TECR: variants seen among roughly 807,000 people sequenced by gnomAD.
TECR encodes the protein trans-2,3-enoyl-CoA reductase.
In TECR, 19 loss-of-function variants were observed where a neutral mutation model predicts 50.6. The ratio of observed to expected loss-of-function variants is 0.38; its 90% confidence interval spans 0.26 to 0.55. The LOEUF is 0.55. Among genes scored for constraint, TECR ranks in the 20% least tolerant of loss-of-function variants. The probability of loss-of-function intolerance (pLI) is 0.79; values close to 1 mark genes in which losing one functional copy is unlikely to be tolerated. For synonymous variants in TECR, 168 were observed against 163.5 expected (o/e 1.03, Z -0.21); for missense variants, 313 against 408.3 (o/e 0.77, Z 2.01).
At chr19:14,564,385 A>G (rs2073999235) in intron 7 of TECR, 98 bp downstream of exon 7, 1 of 927,282 alleles carries the variant, frequency 1.1e-6, no homozygotes, top group Admixed American at 2.5e-5. Context: ...CCTGTCTGCC[A>G]CTACGCCCCA....
At chr19:14,554,298 C>T (rs528267966) in intron 1 of TECR, among the ~76,000 whole-genome samples, 1 of 152,166 alleles carries the variant, frequency 6.6e-6, no homozygotes, top group South Asian at 2.1e-4. Context: ...TCTCACTCAT[C>T]ACCATTAGGC....
chr19:14,529,709 G>C lies in TECR; in HGVS notation c.13G>C (p.Glu5Gln), dbSNP rs761583185. Reference sequence around the variant, plus strand: ...GTGGGAGGGAGCCATGAAGCATTACGAGGTAAGAAGCGAGAAACAGGGGCC... The same window carrying C: ...GTGGGAGGGAGCCATGAAGCATTACCAGGTAAGAAGCGAGAAACAGGGGCC... The part of the protein sequence containing the change: MKHY[E>Q]VEILDAKTRE... Residue 5 changes from glutamate (E) to glutamine (Q), a missense_variant and splice_region_variant, in exon 1 of 13, where the codon GAG becomes CAG. Coordinates refer to ENST00000215567, the MANE Select transcript of TECR (RefSeq NM_138501.6). 3 of 1,614,136 alleles carry C rather than the reference G, an allele frequency of 1.9e-6. No homozygotes were observed.
intron 1 of TECR, among the ~76,000 whole-genome samples, chr19:14,534,657 G>A (rs988063625): frequency 1.2e-4 from 18 of 151,922 alleles, no homozygotes; most frequent in African/African-American, 7.3e-5. Context: ...GGCTGGTCTC[G>A]AACTCCTGGG....
At chr19:14,530,242 T>C (rs35070159) in intron 1 of TECR, 27,948 of 169,276 alleles carry the variant, frequency 0.17, 2,677 homozygotes, top group African/African-American at 0.26. Context: ...CTGATCTTGC[T>C]TTCTGGTTAT....
At chr19:14,546,026 G>C (rs1031093931) in intron 1 of TECR, 27 of 152,296 alleles carry the variant, frequency 1.8e-4, no homozygotes, top group African/African-American at 5.3e-4. Flanking sequence ...CTTCCTGGCT[G>C]GGTCACGCCC....
At chr19:14,551,649 C>T (rs2073510032) in intron 1 of TECR, among the ~76,000 whole-genome samples, 1 of 152,000 alleles carries the variant, frequency 6.6e-6, no homozygotes, top group Admixed American at 6.6e-5. Context: ...GTAAACCCTG[C>T]CTGGGCCCCG....
intron 7 of TECR, 74 bp downstream of exon 7, chr19:14,564,361 A>AC (rs1219984711): frequency 1.3e-5 from 11 of 871,568 alleles, no homozygotes; most frequent in Non-Finnish European, 1.6e-5. Context: ...ACCGAGCCCC[A>AC]CCCCAAGGCC....
At chr19:14,529,584 G>T, upstream of TECR, 3 of 1,535,716 alleles carry the variant, frequency 2.0e-6, no homozygotes, top group Non-Finnish European at 2.7e-6. Context: ...CGGGGCGGAC[G>T]CAGAGCCGCG....
Position 14,563,638 on chromosome 19 carries a change from C to A in TECR, c.119-20C>A, listed in dbSNP as rs1193344498. 1 of 1,610,842 alleles carries A rather than the reference C, an allele frequency of 6.2e-7. No homozygotes were observed. Among genetic ancestry groups the A allele is most frequent in the African/African-American group, 1.3e-5 (1 of 74,832 alleles). Reference sequence around the variant, plus strand: ...AGCCCTGCCAGGCTGTGGGCTGTAACTGCCCTGTTCTCCCCGCAGATCCGC... The same window carrying A: ...AGCCCTGCCAGGCTGTGGGCTGTAAATGCCCTGTTCTCCCCGCAGATCCGC... On this transcript the variant is annotated intron_variant, in intron 3 of 12. Transcript: ENST00000215567. This position sits in a 1 kb window ranked among gnomAD's most constrained non-coding sequence, Gnocchi z 5.3.
chr19:14,544,201 CT>C (rs1439583498), intron 1 of TECR, among the ~76,000 whole-genome samples: 1 of 151,946 alleles, frequency 6.6e-6, no homozygotes, highest in East Asian at 1.9e-4. Flanking sequence ...GCCTCTGCCC[CT>C]GACTCACCCA....
At chr19:14,555,772 G>T (rs962345123) in intron 1 of TECR, among the ~76,000 whole-genome samples, 9 of 152,118 alleles carry the variant, frequency 5.9e-5, no homozygotes, top group African/African-American at 2.2e-4. Flanking sequence ...TTTTTGTGGA[G>T]GCAGAGCCTT....
chr19:14,539,712 C>T (rs1356645113), intron 1 of TECR, among the ~76,000 whole-genome samples: 1 of 152,108 alleles, frequency 6.6e-6, no homozygotes, highest in Non-Finnish European at 1.5e-5. Flanking sequence ...ATGCCCTTCC[C>T]TCTGCTTTCC....
In TECR at chr19:14,564,247, G is replaced by A; in HGVS notation, c.449G>A (p.Arg150His). Residue 150 changes from arginine (R) to histidine (H), a missense_variant, in exon 7 of 13, where the codon CGC becomes CAC. Physicochemically the swap from Arg to His is conservative, Grantham distance 29. Transcript: ENST00000215567. ...KRLLETLFVH[R>H]FSHGTMPLRN... ...CTGCTGGAGACGCTCTTCGTGCACCGCTTCTCCCATGGCACTATGCCTTTG... is the reference window on the plus strand; with the variant it reads ...CTGCTGGAGACGCTCTTCGTGCACCACTTCTCCCATGGCACTATGCCTTTG... 1.2e-6 allele frequency: 2 copies of A among 1,607,390 alleles called. No homozygotes were observed. The highest frequency in any genetic ancestry group is 2.2e-5 in the South Asian group (2 of 91,070).
chr19:14,531,438 T>A (rs1568391282), intron 1 of TECR: 2 of 152,168 alleles, frequency 1.3e-5, no homozygotes, highest in Non-Finnish European at 2.9e-5. Context: ...AAGCCTTTTT[T>A]TGAGACGGAG....
upstream of TECR, chr19:14,529,257 G>C: frequency 3.2e-6 from 1 of 314,152 alleles, no homozygotes; most frequent in South Asian, 2.9e-5. Flanking sequence ...ATGCTGCCTT[G>C]CCTGTCACTC....
chr19:14,565,453 G>A (rs914970063), intron 11 of TECR, among the ~76,000 whole-genome samples, 163 bp downstream of exon 11: 2 of 152,182 alleles, frequency 1.3e-5, no homozygotes, highest in Non-Finnish European at 2.9e-5. Context: ...GCGGGGAGGC[G>A]TGTGCCGCTG....
intron 11 of TECR, 105 bp downstream of exon 11, chr19:14,565,395 G>A (rs1410584464): frequency 1.2e-5 from 18 of 1,453,746 alleles, no homozygotes; most frequent in Non-Finnish European, 1.6e-5. Context: ...TTTGCCGCCT[G>A]CACTGCGAGC....
chr19:14,530,159 C>G (rs1030486744), intron 1 of TECR: 2 of 197,620 alleles, frequency 1.0e-5, no homozygotes, highest in African/African-American at 4.7e-5. Flanking sequence ...CTTCCCTCGC[C>G]CGGGACGTTC....
chr19:14,535,695 C>T (rs1168093229), intron 1 of TECR, among the ~76,000 whole-genome samples: 16 of 126,852 alleles, frequency 1.3e-4, no homozygotes, highest in African/African-American at 3.0e-4. Flanking sequence ...GTGGAGGTCG[C>T]GGACGAGCTG....
Sources: allele counts gnomAD v4.1 joint callset (sites outside exome capture counted in the v4.1 genomes callset), GRCh38; gene constraint gnomAD v4.1.1; non-coding constraint Gnocchi (gnomAD v3.1); transcripts MANE v1.5; gene names NCBI Gene and HGNC (gene_info 2026-07-23, HGNC 2026-07-21).